DENND2C: variants seen among roughly 807,000 people sequenced by gnomAD.
DENND2C encodes DENN domain containing 2C.
In DENND2C, 72 loss-of-function variants were observed where a neutral mutation model predicts 112.4. That is an observed-to-expected ratio of 0.64 (90% CI 0.53 to 0.78). The LOEUF (loss-of-function observed/expected upper bound fraction) is 0.78. Ranked by LOEUF, DENND2C falls within the 30% of genes least tolerant of loss-of-function variation. The pLI, the probability that DENND2C is intolerant of heterozygous loss-of-function variation, is 0.00. For synonymous variants in DENND2C, 329 were observed against 381.6 expected (o/e 0.86, Z 1.61); for missense variants, 992 against 1,113.8 (o/e 0.89, Z 1.56).
chr1:114,630,063 C>G (rs1382886125), intron 3 of DENND2C, among the ~76,000 whole-genome samples: 3 of 152,012 alleles, frequency 2.0e-5, no homozygotes, highest in Non-Finnish European at 4.4e-5. Context: ...GCCTGTAATC[C>G]CAGCACTTTG....
intron 10 of DENND2C, 92 bp from the exon 11 acceptor site, chr1:114,605,123 C>G (rs1655625263): frequency 1.2e-6 from 1 of 863,214 alleles, no homozygotes; most frequent in Non-Finnish European, 1.8e-6. Flanking sequence ...GAAAAAAGGT[C>G]TCTGATAAGC....
intron 16 of DENND2C, 140 bp downstream of exon 16, chr1:114,599,134 C>T (rs1177637141): frequency 1.8e-6 from 1 of 549,812 alleles, no homozygotes; most frequent in Non-Finnish European, 2.8e-6. Context: ...TTATAAACAG[C>T]AATATTATAA....
At chr1:114,621,516 A>G (rs1305178083) in intron 7 of DENND2C, among the ~76,000 whole-genome samples, 1 of 152,248 alleles carries the variant, frequency 6.6e-6, no homozygotes, top group African/African-American at 2.4e-5. Flanking sequence ...TGTAAACTCA[A>G]GCACAAAACT....
intron 18 of DENND2C, among the ~76,000 whole-genome samples, chr1:114,593,759 C>A (rs1471375116): frequency 6.6e-6 from 1 of 151,752 alleles, no homozygotes; most frequent in Admixed American, 6.6e-5. Flanking sequence ...GGTGACAGAG[C>A]AAGAAACAAA....
chr1:114,612,077 C>T (rs1655834926), intron 8 of DENND2C, among the ~76,000 whole-genome samples: 1 of 151,724 alleles, frequency 6.6e-6, no homozygotes, highest in Non-Finnish European at 1.5e-5. Flanking sequence ...AAAAGCACAA[C>T]AGAAAAAGGA....
chr1:114,665,271 GAA>G (rs60777854), intron 1 of DENND2C, among the ~76,000 whole-genome samples: 371 of 119,278 alleles, frequency 3.1e-3, no homozygotes, highest in African/African-American at 7.7e-3. Flanking sequence ...CCTGTCTCTT[GAA>G]AAAAAAAAAA....
chr1:114,636,845 G>A (rs564010381), intron 3 of DENND2C, among the ~76,000 whole-genome samples: 116 of 151,956 alleles, frequency 7.6e-4, no homozygotes, highest in Middle Eastern at 6.8e-3. Context: ...AATTTAGCAA[G>A]GTCTCAGAAC....
intron 1 of DENND2C, among the ~76,000 whole-genome samples, chr1:114,662,844 G>A (rs1657535887): frequency 6.6e-6 from 1 of 152,032 alleles, no homozygotes; most frequent in Non-Finnish European, 1.5e-5. Context: ...CCTGTAATGC[G>A]AGCTAACTGG....
chr1:114,628,563 A>G (rs1374470719), intron 3 of DENND2C, among the ~76,000 whole-genome samples: 1 of 152,244 alleles, frequency 6.6e-6, no homozygotes, highest in African/African-American at 2.4e-5. Flanking sequence ...AATTTTAACT[A>G]GATCTATGAC....
chr1:114,616,855 C>CA (rs1012381913), intron 8 of DENND2C, among the ~76,000 whole-genome samples: 9 of 150,436 alleles, frequency 6.0e-5, no homozygotes, highest in South Asian at 2.1e-4. Flanking sequence ...AACTCCATCT[C>CA]AAAAAAAAAG....
intron 4 of DENND2C, among the ~76,000 whole-genome samples, chr1:114,624,582 G>A (rs895318426): frequency 6.6e-6 from 1 of 150,378 alleles, no homozygotes; most frequent in Non-Finnish European, 1.5e-5. Flanking sequence ...TGCTGGGACT[G>A]AGCCACCACA....
intron 6 of DENND2C, 45 bp downstream of exon 6, chr1:114,622,942 T>C: frequency 6.9e-7 from 1 of 1,448,084 alleles, no homozygotes; most frequent in Middle Eastern, 1.8e-4. Flanking sequence ...GTAGATACCA[T>C]GAATAAGATT....
intron 8 of DENND2C, among the ~76,000 whole-genome samples, chr1:114,614,050 G>A (rs1484851188): frequency 6.6e-6 from 1 of 151,964 alleles, no homozygotes; most frequent in Middle Eastern, 3.2e-3. Flanking sequence ...CTGGCAACAT[G>A]GTGAGATTTT....
chr1:114,647,345 T>C (rs143403308), intron 2 of DENND2C, among the ~76,000 whole-genome samples: 3,883 of 151,834 alleles, frequency 0.026, 62 homozygotes, highest in Middle Eastern at 0.041. Context: ...TGTATGTTTA[T>C]GGAGTACAAT....
chr1:114,594,808 C>T (rs1655298081), intron 17 of DENND2C, among the ~76,000 whole-genome samples: 1 of 152,126 alleles, frequency 6.6e-6, no homozygotes, highest in Non-Finnish European at 1.5e-5. Flanking sequence ...CACTTTTCCA[C>T]CAGATCTCTC....
chr1:114,647,934 A>T (rs959554484), intron 2 of DENND2C, among the ~76,000 whole-genome samples: 1 of 151,750 alleles, frequency 6.6e-6, no homozygotes, highest in Non-Finnish European at 1.5e-5. Flanking sequence ...CAGCCTCCCG[A>T]GTAGCTGAGA....
chr1:114,647,488 T>C (rs1657026335), intron 2 of DENND2C, among the ~76,000 whole-genome samples: 2 of 152,164 alleles, frequency 1.3e-5, no homozygotes, highest in South Asian at 4.1e-4. Flanking sequence ...TAGTCTCTAA[T>C]ATTCTCCTGG....
chr1:114,614,185 T>C (rs1264026156), intron 8 of DENND2C, among the ~76,000 whole-genome samples: 1 of 151,770 alleles, frequency 6.6e-6, no homozygotes, highest in African/African-American at 2.4e-5. Flanking sequence ...TGAGCCATGT[T>C]TGCATCATTG....
chr1:114,591,972 C>T (rs1655206388), intron 18 of DENND2C, among the ~76,000 whole-genome samples: 1 of 151,906 alleles, frequency 6.6e-6, no homozygotes, highest in South Asian at 2.1e-4. Flanking sequence ...GCAACCTCCA[C>T]CTCCCGGGTT....
Sources: gnomAD v4.1 joint callset for allele counts (sites outside exome capture counted in the v4.1 genomes callset) on GRCh38, gnomAD v4.1.1 for gene constraint, MANE v1.5 for transcripts, NCBI Gene and HGNC (gene_info 2026-07-23, HGNC 2026-07-21) for gene names.